GAREM1: variants seen among roughly 807,000 people sequenced by gnomAD.
GAREM1 encodes the protein GRB2-associated and regulator of MAPK protein 1.
A neutral mutation model predicts 71.3 loss-of-function variants in GAREM1; 26 were observed. The ratio of observed to expected loss-of-function variants is 0.36; its 90% CI spans 0.27 to 0.51. The LOEUF (loss-of-function observed/expected upper bound fraction) is 0.51. GAREM1 is among the 20% of genes least tolerant of loss of function. The pLI, the probability that GAREM1 is intolerant of heterozygous loss-of-function variation, is 0.95. For missense variants in GAREM1, 1,026 were observed against 1,103.1 expected, an observed-to-expected ratio of 0.93 and a Z score of 0.99; for synonymous variants, 440 against 433.2, an observed-to-expected ratio of 1.02 and a Z score of -0.20.
intron 2 of GAREM1, among the ~76,000 whole-genome samples, chr18:32,364,330 C>T (rs1160855901): frequency 2.0e-5 from 3 of 151,612 alleles, no homozygotes; most frequent in Admixed American, 6.6e-5. Flanking sequence ...CCACTACACC[C>T]GGCCAAGGTT....
At chr18:32,459,165 T>A (rs1349120591) in intron 1 of GAREM1, among the ~76,000 whole-genome samples, 4 of 152,180 alleles carry the variant, frequency 2.6e-5, no homozygotes, top group Non-Finnish European at 4.4e-5. Flanking sequence ...TGGTCATTTA[T>A]AAATGTATTT....
chr18:32,280,325 C>T (rs1443333053), intron 4 of GAREM1, among the ~76,000 whole-genome samples: 1 of 152,284 alleles, frequency 6.6e-6, no homozygotes, highest in East Asian at 1.9e-4. Flanking sequence ...TCACGTGAGG[C>T]CCCTAATTCT....
At chr18:32,386,227 G>C (rs919265103) in intron 2 of GAREM1, among the ~76,000 whole-genome samples, 1 of 152,146 alleles carries the variant, frequency 6.6e-6, no homozygotes, top group Non-Finnish European at 1.5e-5. Flanking sequence ...AATTAAACTT[G>C]CAACCCAGGA....
At chr18:32,352,755 G>A (rs1450910461) in intron 2 of GAREM1, among the ~76,000 whole-genome samples, 1 of 152,140 alleles carries the variant, frequency 6.6e-6, no homozygotes, top group Non-Finnish European at 1.5e-5. Flanking sequence ...GTGATTATGA[G>A]AGAAGGAAAG....
chr18:32,404,629 C>G (rs1008512950), intron 1 of GAREM1, among the ~76,000 whole-genome samples: 10 of 152,208 alleles, frequency 6.6e-5, no homozygotes, highest in African/African-American at 2.4e-4. Flanking sequence ...CCATCTGAAG[C>G]TGTATCCCTG....
chr18:32,275,559 C>T (rs573560405), intron 4 of GAREM1, among the ~76,000 whole-genome samples: 39 of 152,346 alleles, frequency 2.6e-4, no homozygotes, highest in South Asian at 4.1e-4. Flanking sequence ...TCAATGAGCA[C>T]AGTGCGGATA....
At chr18:32,317,128 G>T (rs1459573943) in intron 2 of GAREM1, among the ~76,000 whole-genome samples, 5 of 152,172 alleles carry the variant, frequency 3.3e-5, no homozygotes, top group Non-Finnish European at 7.4e-5. Flanking sequence ...GAATGGGCCA[G>T]GCGCGGTGGC....
At chr18:32,411,824 G>C (rs1366780427) in intron 1 of GAREM1, among the ~76,000 whole-genome samples, 1 of 151,726 alleles carries the variant, frequency 6.6e-6, no homozygotes, top group Non-Finnish European at 1.5e-5. Flanking sequence ...TCACACTGTT[G>C]GGGAAATTTA....
intron 2 of GAREM1, among the ~76,000 whole-genome samples, chr18:32,378,012 C>CTG (rs1157230204): frequency 0.083 from 10,966 of 131,740 alleles, 460 homozygotes; most frequent in Middle Eastern, 0.11. Context: ...TACTATATAA[C>CTG]TGTGTGTGTG....
chr18:32,398,799 C>T (rs1236360769), intron 1 of GAREM1, among the ~76,000 whole-genome samples: 1 of 152,142 alleles, frequency 6.6e-6, no homozygotes, highest in Non-Finnish European at 1.5e-5. Flanking sequence ...AAGAGGGAAT[C>T]CTCCCTAACT....
rs529632916 is a variant in GAREM1 at position 32,398,073 on chromosome 18, A to G, written c.122-5038T>C. Among the ~76,000 whole-genome samples, 6 of 152,358 alleles carry G rather than the reference A, an allele frequency of 3.9e-5. No individual in the cohort carries two copies. The South Asian group carries it at 1.0e-3, about 26-fold the overall frequency. ...CTGCTCCTGAATGACTACTGGGTACATAACAAAATGAAGGCAGAAATAAAG... is the reference window on the plus strand; with the variant it reads ...CTGCTCCTGAATGACTACTGGGTACGTAACAAAATGAAGGCAGAAATAAAG... On this transcript the variant is annotated intron_variant, in intron 1 of 5. Transcript: ENST00000269209.
intron 2 of GAREM1, among the ~76,000 whole-genome samples, chr18:32,320,251 T>C (rs2047416387): frequency 6.6e-6 from 1 of 152,234 alleles, no homozygotes; most frequent in African/African-American, 2.4e-5. Context: ...AAGGACATAA[T>C]TATTTTTATA....
In GAREM1 at chr18:32,470,451, G is replaced by T; in HGVS notation, c.-23C>A. On this transcript the variant is annotated 5_prime_UTR_variant, in exon 1 of 6. Coordinates refer to ENST00000269209, the MANE Select transcript of GAREM1 (RefSeq NM_001242409.2). This position sits in a 1 kb window ranked among gnomAD's most constrained non-coding sequence, Gnocchi z 4.4. Reference sequence around the variant, plus strand: ...CATCTTCCCCGAAGCCTCCTGTCCCGCGCTCCCCCGCCGCCGCCACCGGCA... The same window carrying T: ...CATCTTCCCCGAAGCCTCCTGTCCCTCGCTCCCCCGCCGCCGCCACCGGCA... 1 of 1,326,368 alleles carries T rather than the reference G, an allele frequency of 7.5e-7. No homozygotes were observed. The highest frequency in any genetic ancestry group is 2.3e-5 in the South Asian group (1 of 44,214). The allele number at this position is 1,326,368 out of a possible 1,614,324, so 82.2% of individuals were successfully genotyped here. A position where few individuals can be genotyped will look rare whatever the true frequency, so the allele number is the denominator to read the frequency against.
At chr18:32,397,022 A>C (rs1393590356) in intron 1 of GAREM1, among the ~76,000 whole-genome samples, 1 of 152,198 alleles carries the variant, frequency 6.6e-6, no homozygotes, top group African/African-American at 2.4e-5. Flanking sequence ...AAAGAAAAGA[A>C]TTTTCAACCC....
At chr18:32,462,439 G>A (rs1193642133) in intron 1 of GAREM1, among the ~76,000 whole-genome samples, 1 of 152,116 alleles carries the variant, frequency 6.6e-6, no homozygotes, top group Non-Finnish European at 1.5e-5. Context: ...CTATTAAGGT[G>A]TTTTGCCCAT....
At chr18:32,401,664 G>A (rs1449658714) in intron 1 of GAREM1, among the ~76,000 whole-genome samples, 2 of 152,204 alleles carry the variant, frequency 1.3e-5, no homozygotes, top group Non-Finnish European at 2.9e-5. Context: ...AACTCTAAAA[G>A]ATGGATTGGA....
At chr18:32,319,287 A>G (rs1050541013) in intron 2 of GAREM1, among the ~76,000 whole-genome samples, 6 of 152,238 alleles carry the variant, frequency 3.9e-5, no homozygotes, top group Admixed American at 6.5e-5. Context: ...CCATTTTTCA[A>G]TAAGTAAATA....
chr18:32,331,294 T>A (rs2047533025), intron 2 of GAREM1, among the ~76,000 whole-genome samples: 1 of 152,208 alleles, frequency 6.6e-6, no homozygotes, highest in Admixed American at 6.5e-5. Context: ...GAGTTTAACA[T>A]TTCTCTACAT....
intron 1 of GAREM1, among the ~76,000 whole-genome samples, chr18:32,429,963 G>A (rs1343269217): frequency 6.6e-6 from 1 of 152,136 alleles, no homozygotes; most frequent in Non-Finnish European, 1.5e-5. Flanking sequence ...AGAAATCATG[G>A]CTTGTCATGG....
Sources: allele counts gnomAD v4.1 joint callset (sites outside exome capture counted in the v4.1 genomes callset), GRCh38; gene constraint gnomAD v4.1.1; non-coding constraint Gnocchi (gnomAD v3.1); transcripts MANE v1.5; gene names NCBI Gene and HGNC (gene_info 2026-07-23, HGNC 2026-07-21).